Variants in BCAR3 observed in about 807,000 individuals in gnomAD.
BCAR3 encodes the protein BCAR3 adaptor protein, NSP family member, also known as breast cancer anti-estrogen resistance protein 3.
BCAR3 carries 37 observed loss-of-function variants against 80.1 expected under a neutral mutation model. The ratio of observed to expected loss-of-function variants is 0.46; its 90% confidence interval spans 0.36 to 0.61. BCAR3 has a LOEUF of 0.61. Ranked by LOEUF, BCAR3 falls within the 20% of genes least tolerant of loss-of-function variation. The pLI is 0.00. For missense variants in BCAR3, 978 were observed against 1,068.2 expected, an observed-to-expected ratio of 0.92 and a Z score of 1.18; for synonymous variants, 389 against 418.9, an observed-to-expected ratio of 0.93 and a Z score of 0.87.
chr1:93,749,886 C>CTTTTTTTTTTT (rs754541949), intron 2 of BCAR3, among the ~76,000 whole-genome samples: 1 of 140,396 alleles, frequency 7.1e-6, no homozygotes, highest in African/African-American at 2.7e-5. Flanking sequence ...ATGATCTTGA[C>CTTTTTTTTTTT]TTATTTTTTT....
intron 3 of BCAR3, among the ~76,000 whole-genome samples, chr1:93,604,344 CTCT>C (rs1674712929): frequency 6.6e-6 from 1 of 152,162 alleles, no homozygotes; most frequent in Non-Finnish European, 1.5e-5. Context: ...CCTAATCAAT[CTCT>C]TATCAAAAGA....
At position 93,583,950 on chromosome 1, in the gene BCAR3, G is replaced by A. The variant is rs559091395; in HGVS notation, c.1033+68C>T. 89 of 1,457,448 alleles carry A rather than the reference G, an allele frequency of 6.1e-5. No homozygotes were observed. In the African/African-American group the frequency reaches 9.7e-4, roughly 16 times the overall value. 90.3% of individuals were successfully genotyped at this position (1,457,448 alleles called of 1,614,324 possible). On this transcript the variant is annotated intron_variant, in intron 6 of 11. Coordinates refer to ENST00000260502, the MANE Select transcript of BCAR3 (RefSeq NM_003567.4). ...TTTTCGAATGAGACAACTAGATGGGGCAGGGTAACAGCCTGAAGGAAACCA... is the reference window on the plus strand; with the variant it reads ...TTTTCGAATGAGACAACTAGATGGGACAGGGTAACAGCCTGAAGGAAACCA...
chr1:93,788,844 C>T (rs1653039962), intron 2 of BCAR3, among the ~76,000 whole-genome samples: 1 of 152,162 alleles, frequency 6.6e-6, no homozygotes. Context: ...CACCCAGAGT[C>T]CCACTGAGTC....
At chr1:93,626,591 T>C (rs1025751644) in intron 3 of BCAR3, among the ~76,000 whole-genome samples, 3 of 152,230 alleles carry the variant, frequency 2.0e-5, no homozygotes, top group Admixed American at 2.0e-4. Context: ...GGTTAATTCC[T>C]GGTGCCTCAG....
chr1:93,752,833 T>C (rs1239258604), intron 2 of BCAR3: 1 of 152,210 alleles, frequency 6.6e-6, no homozygotes, highest in Non-Finnish European at 1.5e-5. Context: ...CTTCTGTCTT[T>C]CAAGAAAACA....
At chr1:93,768,685 G>T (rs1652244346) in intron 2 of BCAR3, among the ~76,000 whole-genome samples, 1 of 152,222 alleles carries the variant, frequency 6.6e-6, no homozygotes, top group African/African-American at 2.4e-5. Flanking sequence ...TTTCAGCCAT[G>T]CAGCCAGCCC....
rs1033158308 is a variant in BCAR3 at position 93,668,582 on chromosome 1, A to C, written c.317+6032T>G. On this transcript the variant is annotated intron_variant, in intron 2 of 11. Transcript: ENST00000260502. ...AAAACTCAACTTTAAACTTATAAAA[A>C]CATCAATTCAACCCATGGACTATTA... Among the ~76,000 whole-genome samples the C allele has an allele frequency of 2.6e-5, 4 of 152,318 alleles. No homozygotes were observed. In the Middle Eastern group the frequency reaches 0.01, roughly 389 times the overall value.
rs1246166144 is a variant in BCAR3, at chr1:93,571,851, A to C, written c.1803-10T>G. 4 of 1,609,852 alleles carry C rather than the reference A, an allele frequency of 2.5e-6. No homozygotes were observed. The highest frequency in any genetic ancestry group is 3.3e-5 in the Admixed American group (2 of 59,864). ...GGCCATTGTGTTGTGTCTGAAAGCC[A>C]GGAGATCAGCGGTCAGGTTCAGGGC... is the stretch of plus-strand genomic sequence containing the variant. On this transcript the variant is annotated splice_polypyrimidine_tract_variant and intron_variant, in intron 8 of 11. Transcript: ENST00000260502.
intron 2 of BCAR3, among the ~76,000 whole-genome samples, chr1:93,712,953 A>G (rs1179746547): frequency 1.3e-5 from 2 of 152,146 alleles, no homozygotes; most frequent in Non-Finnish European, 2.9e-5. Flanking sequence ...TGTTATCAGC[A>G]TTTTCTTCAA....
At chr1:93,621,910 C>T (rs1055985934) in intron 3 of BCAR3, among the ~76,000 whole-genome samples, 8 of 152,174 alleles carry the variant, frequency 5.3e-5, no homozygotes, top group Non-Finnish European at 7.3e-5. Flanking sequence ...CTCACTCTGT[C>T]GCCCAGGCTG....
chr1:93,578,010 C>T (rs1019891904), intron 7 of BCAR3, among the ~76,000 whole-genome samples: 2 of 152,232 alleles, frequency 1.3e-5, no homozygotes, highest in Non-Finnish European at 2.9e-5. Context: ...GGTTATGCAG[C>T]TCACTGACAC....
intron 2 of BCAR3, among the ~76,000 whole-genome samples, chr1:93,823,114 C>G (rs12402671): frequency 0.19 from 24,833 of 132,162 alleles, 6,508 homozygotes; most frequent in East Asian, 0.39. Context: ...ACTCTGAAGG[C>G]GTACAGCGTG....
Position 93,740,010 on chromosome 1 carries a change from T to TC in BCAR3, c.-62-33869_-62-33868insG, listed in dbSNP as rs1225943166. On this transcript the variant is annotated intron_variant, in intron 2 of 13. Coordinates refer to the BCAR3 transcript ENST00000370244. ...GAGATCATGCCACTGCACTCCAGCC[T>TC]GGGTGACAGAGTGAAACTCCGTCTC... 2.6e-4 allele frequency among the ~76,000 whole-genome samples: 38 copies of TC among 146,724 alleles called. 3 individuals carry two copies. The highest frequency in any genetic ancestry group is 1.3e-3 in the Admixed American group (18 of 14,330).
chr1:93,763,050 T>C (rs1652009316), intron 2 of BCAR3, among the ~76,000 whole-genome samples: 1 of 152,216 alleles, frequency 6.6e-6, no homozygotes, highest in African/African-American at 2.4e-5. Context: ...TAAACTCTTC[T>C]ACAATAGCCA....
Position 93,642,322 on chromosome 1 carries a change from T to G in BCAR3, c.339A>C (p.Pro113=), listed in dbSNP as rs776129201. 7.4e-6 allele frequency: 12 copies of G among 1,613,756 alleles called. No individual in the cohort carries two copies. In the African/African-American group the frequency reaches 1.6e-4, roughly 22 times the overall value. The change falls in exon 3 of 12, where the codon CCA becomes CCC. Residue 113 remains proline (P), a synonymous_variant. Coordinates refer to ENST00000260502, the MANE Select transcript of BCAR3 (RefSeq NM_003567.4). ...FTFRDPHLLD[P]TVEYVKFSKE... ...TTCCTACCTTCACATATTCCACAGTTGGGTCCAGAAGATGTGGATCCCTGA... is the reference window on the plus strand; with the variant it reads ...TTCCTACCTTCACATATTCCACAGTGGGGTCCAGAAGATGTGGATCCCTGA...
At chr1:93,655,917 A>G (rs954452344) in intron 2 of BCAR3, among the ~76,000 whole-genome samples, 3 of 152,252 alleles carry the variant, frequency 2.0e-5, no homozygotes, top group African/African-American at 7.2e-5. Flanking sequence ...GGAGCTGTGC[A>G]GACACTAGTT....
rs748914550 is a variant in BCAR3 at position 93,589,352 on chromosome 1, T to C, written c.554A>G (p.Asn185Ser). Residue 185 changes from asparagine (N) to serine (S), a missense_variant, in exon 5 of 12, where the codon AAC (asparagine) becomes AGC (serine). Coordinates refer to ENST00000260502, the MANE Select transcript of BCAR3 (RefSeq NM_003567.4). ...LVRDSLSSPG[N>S]FVLTCQWKNL... Reference sequence around the variant, plus strand: ...CTTCCACTGACAGGTCAGGACAAAGTTCCCAGGGCTGGACAGAGAGTCACG... The same window carrying C: ...CTTCCACTGACAGGTCAGGACAAAGCTCCCAGGGCTGGACAGAGAGTCACG... The C allele has an allele frequency of 2.0e-5, 32 of 1,613,978 alleles. No homozygotes were observed. Among genetic ancestry groups the C allele is most frequent in the Non-Finnish European group, 2.4e-5 (28 of 1,180,028 alleles).
chr1:93,592,639 G>A lies in BCAR3; in HGVS notation c.358-246C>T, dbSNP rs1674260899. On this transcript the variant is annotated intron_variant, in intron 3 of 11. Transcript: ENST00000260502. The surrounding 1 kb of genome is among the most constrained non-coding windows in gnomAD (Gnocchi z 4.8). ...GTCCACCAAGAGGTTCCTTTTACCA[G>A]TCTACTCAAGCAGCTGGGCAGGAAG... 1 of 405,046 alleles carries A rather than the reference G, an allele frequency of 2.5e-6. No homozygotes were observed. Among genetic ancestry groups the A allele is most frequent in the Non-Finnish European group, 4.4e-6 (1 of 226,204 alleles). The allele number at this position is 405,046 out of a possible 1,614,324, so 25.1% of individuals were successfully genotyped here. A position where few individuals can be genotyped will look rare whatever the true frequency, so the allele number is the denominator to read the frequency against.
At chr1:93,832,552 G>A (rs547095852) in intron 2 of BCAR3, among the ~76,000 whole-genome samples, 20 of 152,220 alleles carry the variant, frequency 1.3e-4, no homozygotes, top group East Asian at 5.8e-4. Flanking sequence ...CAATCACCTC[G>A]GAAGCCTACA....
Sources: gnomAD v4.1 joint callset for allele counts (sites outside exome capture counted in the v4.1 genomes callset) on GRCh38, gnomAD v4.1.1 for gene constraint, Gnocchi (gnomAD v3.1) non-coding constraint, MANE v1.5 for transcripts, NCBI Gene and HGNC (gene_info 2026-07-23, HGNC 2026-07-21) for gene names.